RBFOX1: variants seen among roughly 807,000 people sequenced by gnomAD.
RBFOX1 encodes the protein RNA binding protein fox-1 homolog 1.
RBFOX1 carries 8 observed loss-of-function variants against 57.7 expected under a neutral mutation model. The observed-to-expected ratio is 0.14, with a 90% CI of 0.08 to 0.25. RBFOX1 has a LOEUF of 0.25. RBFOX1 is among the 10% of genes least tolerant of loss of function. RBFOX1 has a pLI of 1.00. For missense variants in RBFOX1, 611 were observed against 548.5 expected, an observed-to-expected ratio of 1.11 and a Z score of -1.14; for synonymous variants, 326 against 222.4, an observed-to-expected ratio of 1.47 and a Z score of -4.15.
chr16:5,924,441 C>T (rs995676689), intron 4 of RBFOX1, among the ~76,000 whole-genome samples: 2 of 152,068 alleles, frequency 1.3e-5, no homozygotes, highest in Non-Finnish European at 2.9e-5. Flanking sequence ...CAGGGGAATG[C>T]GATTGGTGGG....
chr16:5,959,710 G>A (rs2059712099), intron 4 of RBFOX1, among the ~76,000 whole-genome samples: 1 of 152,220 alleles, frequency 6.6e-6, no homozygotes, highest in South Asian at 2.1e-4. Flanking sequence ...AGAAATTGTT[G>A]CTGAGGCAGG....
intron 12 of RBFOX1, among the ~76,000 whole-genome samples, chr16:7,661,243 C>A (rs2067644228): frequency 6.6e-6 from 1 of 152,194 alleles, no homozygotes; most frequent in Admixed American, 6.5e-5. Context: ...CCATTTCTCT[C>A]CAATACATGT....
intron 3 of RBFOX1, among the ~76,000 whole-genome samples, chr16:7,011,517 TTTTG>T (rs2093652335): frequency 6.6e-6 from 1 of 151,582 alleles, no homozygotes; most frequent in Admixed American, 6.6e-5. Context: ...TTTTGTTTTG[TTTTG>T]TTTGTTTTTT....
At chr16:5,984,976 A>ATATATATATTTTT (rs1359064334) in intron 4 of RBFOX1, among the ~76,000 whole-genome samples, 1 of 55,714 alleles carries the variant, frequency 1.8e-5, no homozygotes, top group African/African-American at 8.7e-5. Context: ...ATATATATAT[A>ATATATATATTTTT]TTTTTTTTTT....
At chr16:7,294,556 T>A (rs1264890153) in intron 4 of RBFOX1, among the ~76,000 whole-genome samples, 1 of 152,004 alleles carries the variant, frequency 6.6e-6, no homozygotes, top group Non-Finnish European at 1.5e-5. Context: ...AGCAGAATAT[T>A]TTCTTTTGAA....
At chr16:5,288,242 A>G (rs561504652) in intron 1 of RBFOX1, among the ~76,000 whole-genome samples, 1 of 152,214 alleles carries the variant, frequency 6.6e-6, no homozygotes, top group Non-Finnish European at 1.5e-5. Context: ...TTGAATATAT[A>G]TATAGTCTTT....
intron 3 of RBFOX1, among the ~76,000 whole-genome samples, chr16:6,917,909 C>A (rs1461824765): frequency 2.0e-5 from 3 of 152,106 alleles, no homozygotes; most frequent in South Asian, 4.1e-4. Context: ...CAATGGAGAC[C>A]TGGGTATTAT....
intron 1 of RBFOX1, among the ~76,000 whole-genome samples, chr16:6,298,132 T>A (rs899785575): frequency 6.6e-6 from 1 of 152,192 alleles, no homozygotes; most frequent in East Asian, 1.9e-4. Context: ...ACACGCCCAG[T>A]TGGGCTCCTG....
intron 2 of RBFOX1, among the ~76,000 whole-genome samples, chr16:6,516,605 A>T (rs566754572): frequency 6.6e-6 from 1 of 152,308 alleles, no homozygotes; most frequent in African/African-American, 2.4e-5. Flanking sequence ...CAACACTTTC[A>T]TGGAATTGAA....
intron 4 of RBFOX1, among the ~76,000 whole-genome samples, chr16:5,903,285 G>A (rs72769087): frequency 6.6e-6 from 1 of 151,998 alleles, no homozygotes; most frequent in Non-Finnish European, 1.5e-5. Context: ...CCACTGCTTC[G>A]TCATCCTCCC....
intron 2 of RBFOX1, among the ~76,000 whole-genome samples, chr16:6,643,517 T>G (rs572960573): frequency 3.4e-4 from 52 of 152,322 alleles, no homozygotes; most frequent in African/African-American, 1.2e-3. Flanking sequence ...TTTGAAATTT[T>G]TACCAACATC....
At chr16:7,227,771 C>A (rs946372156) in intron 4 of RBFOX1, among the ~76,000 whole-genome samples, 1 of 152,198 alleles carries the variant, frequency 6.6e-6, no homozygotes, top group Admixed American at 6.5e-5. Flanking sequence ...TCTCTCCCTT[C>A]CTGTGGCAGA....
intron 3 of RBFOX1, among the ~76,000 whole-genome samples, chr16:6,927,378 A>G (rs1005814554): frequency 8.0e-6 from 1 of 124,368 alleles, no homozygotes; most frequent in Non-Finnish European, 1.6e-5. Flanking sequence ...GCACCGCTCC[A>G]CTCCAGCCTG....
At chr16:7,395,697 T>C (rs2098128560) in intron 4 of RBFOX1, among the ~76,000 whole-genome samples, 3 of 152,208 alleles carry the variant, frequency 2.0e-5, no homozygotes, top group Admixed American at 2.0e-4. Flanking sequence ...GTCTATAGAC[T>C]TGCAAATGCT....
intron 3 of RBFOX1, among the ~76,000 whole-genome samples, chr16:5,856,200 T>TATAC (rs2057037135): frequency 2.2e-5 from 1 of 45,340 alleles, no homozygotes; most frequent in East Asian, 5.1e-4. Flanking sequence ...TATATATATA[T>TATAC]ATATATACAT....
chr16:6,849,031 T>A (rs545893798), intron 3 of RBFOX1, among the ~76,000 whole-genome samples: 13 of 152,328 alleles, frequency 8.5e-5, no homozygotes, highest in African/African-American at 2.4e-4. Context: ...TGGCCAGGCT[T>A]ACGTGTCCCT....
chr16:7,597,215 GATTTTGTTA>G (rs1392108421), intron 8 of RBFOX1, 147 bp from the exon 9 acceptor site: 5 of 510,102 alleles, frequency 9.8e-6, no homozygotes, highest in Admixed American at 7.9e-5. Context: ...AAAAATGTAT[GATTTTGTTA>G]TGCACCTACT....
intron 3 of RBFOX1, among the ~76,000 whole-genome samples, chr16:5,809,490 A>G (rs1355856947): frequency 4.6e-5 from 7 of 152,200 alleles, no homozygotes; most frequent in Admixed American, 3.9e-4. Flanking sequence ...AAAAACAAAC[A>G]ACCCCATCAA....
chr16:6,654,580 C>G (rs762455216), intron 2 of RBFOX1, 23 bp from the exon 3 acceptor site: 1 of 1,498,276 alleles, frequency 6.7e-7, no homozygotes, highest in Non-Finnish European at 8.8e-7. Flanking sequence ...CTCTCACTTT[C>G]CTTTCTTTTC....
Sources: allele counts gnomAD v4.1 joint callset (sites outside exome capture counted in the v4.1 genomes callset), GRCh38; gene constraint gnomAD v4.1.1; transcripts MANE v1.5; gene names NCBI Gene and HGNC (gene_info 2026-07-23, HGNC 2026-07-21).